Variants in PPP3R1 observed in about 807,000 individuals in gnomAD.
PPP3R1 encodes calcineurin subunit B type 1.
Under a neutral mutation model 22.6 loss-of-function variants are expected in PPP3R1, and 5 were observed. The observed-to-expected ratio is 0.22, with a 90% confidence interval of 0.12 to 0.46. The LOEUF (loss-of-function observed/expected upper bound fraction) is 0.46, where lower values mean the gene tolerates loss of function less well. PPP3R1 is among the 20% of genes least tolerant of loss of function. The pLI, the probability that PPP3R1 is intolerant of heterozygous loss-of-function variation, is 0.99. For synonymous variants in PPP3R1, 56 were observed against 65.2 expected (o/e 0.86, Z 0.68); for missense variants, 61 against 203.2 (o/e 0.30, Z 4.25).
chr2:68,236,889 A>G (rs932402411), intron 1 of PPP3R1, among the ~76,000 whole-genome samples: 7 of 152,158 alleles, frequency 4.6e-5, no homozygotes, highest in Admixed American at 3.9e-4. Flanking sequence ...TTTGCTCCCT[A>G]ATAAGTACTT....
rs1364816101 is a variant in PPP3R1, at chr2:68,251,986, C to G, written c.3+139G>C. ...CCCTCTCCGGCTCGCCCGCAACCGC[C>G]GCGGGACCCGCCGGGCCCGGGTCTC... On this transcript the variant is annotated intron_variant, in intron 1 of 5. Transcript: ENST00000234310. The G allele has an allele frequency of 8.2e-5, 74 of 907,062 alleles. No homozygotes were observed. In the Middle Eastern group the frequency reaches 1.6e-3, roughly 20 times the overall value. 56.2% of individuals were successfully genotyped at this position (907,062 alleles called of 1,614,324 possible). A position where few individuals can be genotyped will look rare whatever the true frequency, so the allele number is the denominator to read the frequency against.
chr2:68,221,743 G>A (rs1669691938), intron 1 of PPP3R1, among the ~76,000 whole-genome samples: 1 of 151,392 alleles, frequency 6.6e-6, no homozygotes, highest in South Asian at 2.1e-4. Flanking sequence ...ATAATCAGAG[G>A]GGAAAAAAGA....
At chr2:68,232,253 G>T (rs1669929783) in intron 1 of PPP3R1, among the ~76,000 whole-genome samples, 1 of 69,562 alleles carries the variant, frequency 1.4e-5, no homozygotes, top group East Asian at 4.1e-4. Context: ...GTGTGTGTGT[G>T]TGTGTGTGTG....
In PPP3R1 at chr2:68,252,489, G is replaced by A; in HGVS notation, c.-362C>T. Reference sequence around the variant, plus strand: ...CTCGCGCTCGCGCCGGAGCCGTGACGGACTCACTGCAGCGGCTCGCGCTGA... The same window carrying A: ...CTCGCGCTCGCGCCGGAGCCGTGACAGACTCACTGCAGCGGCTCGCGCTGA... On this transcript the variant is annotated 5_prime_UTR_variant, in exon 1 of 6. Coordinates refer to ENST00000234310, the MANE Select transcript of PPP3R1 (RefSeq NM_000945.4). The A allele has an allele frequency of 4.1e-6, 4 of 986,932 alleles. No homozygotes were observed. Among genetic ancestry groups the A allele is most frequent in the Non-Finnish European group, 3.6e-6 (3 of 831,664 alleles). 61.1% of individuals were successfully genotyped at this position (986,932 alleles called of 1,614,324 possible).
At position 68,241,348 on chromosome 2, in the gene PPP3R1, A is replaced by G. The variant is rs546052867; in HGVS notation, c.3+10777T>C. On this transcript the variant is annotated intron_variant, in intron 1 of 5. Coordinates refer to ENST00000234310, the MANE Select transcript of PPP3R1 (RefSeq NM_000945.4). ...TTCCCCAAGTATTTTCAATCCATGG[A>G]CCCAGAACTCATGGGCATGGAAGGC... 2.6e-5 allele frequency among the ~76,000 whole-genome samples: 4 copies of G among 152,202 alleles called. No homozygotes were observed. In the East Asian group the frequency reaches 7.7e-4, roughly 29 times the overall value.
intron 2 of PPP3R1, among the ~76,000 whole-genome samples, chr2:68,208,306 A>G (rs1466072320): frequency 2.0e-5 from 3 of 152,234 alleles, no homozygotes; most frequent in Admixed American, 1.3e-4. Flanking sequence ...CAACTCCAGA[A>G]GCCCACTATA....
chr2:68,217,205 T>A, intron 1 of PPP3R1, 74 bp from the exon 2 acceptor site: 1 of 1,087,602 alleles, frequency 9.2e-7, no homozygotes, highest in Non-Finnish European at 1.3e-6. Flanking sequence ...CTAAATATTT[T>A]AAGTCAAAAA....
At chr2:68,217,230 G>A in intron 1 of PPP3R1, 99 bp from the exon 2 acceptor site, 1 of 761,230 alleles carries the variant, frequency 1.3e-6, no homozygotes, top group Non-Finnish European at 2.2e-6. Context: ...AGGGAAATAA[G>A]CCATAAACTA....
At chr2:68,238,481 G>T (rs1218141143) in intron 1 of PPP3R1, among the ~76,000 whole-genome samples, 2 of 152,134 alleles carry the variant, frequency 1.3e-5, no homozygotes, top group African/African-American at 4.8e-5. Flanking sequence ...GAAAGCAGCA[G>T]TTTGAACCAG....
chr2:68,199,729 C>T (rs1674933669), intron 2 of PPP3R1, among the ~76,000 whole-genome samples: 1 of 152,120 alleles, frequency 6.6e-6, no homozygotes, highest in Non-Finnish European at 1.5e-5. Flanking sequence ...TCTCTTTTGT[C>T]AAAATAGTAA....
At chr2:68,223,818 A>C (rs1669732264) in intron 1 of PPP3R1, among the ~76,000 whole-genome samples, 2 of 152,190 alleles carry the variant, frequency 1.3e-5, no homozygotes, top group Middle Eastern at 6.8e-3. Flanking sequence ...AAAAAAAAAA[A>C]AAACAAAAGG....
chr2:68,205,236 T>A (rs1270856136), intron 2 of PPP3R1, among the ~76,000 whole-genome samples: 1 of 141,126 alleles, frequency 7.1e-6, no homozygotes, highest in African/African-American at 2.6e-5. Flanking sequence ...AAGTAATCAG[T>A]ATTATCTTTT....
At chr2:68,252,051 G>A in intron 1 of PPP3R1, 74 bp downstream of exon 1, 1 of 1,325,140 alleles carries the variant, frequency 7.5e-7, no homozygotes, top group Non-Finnish European at 9.9e-7. Flanking sequence ...GGGGCGTCGG[G>A]GCTCGCCCCC....
chr2:68,217,696 C>A (rs994831067), intron 1 of PPP3R1, among the ~76,000 whole-genome samples: 1 of 152,036 alleles, frequency 6.6e-6, no homozygotes, highest in African/African-American at 2.4e-5. Flanking sequence ...ACTTGAAAAC[C>A]ATTTCAAATT....
At chr2:68,223,524 A>T (rs1461462736) in intron 1 of PPP3R1, among the ~76,000 whole-genome samples, 1 of 152,220 alleles carries the variant, frequency 6.6e-6, no homozygotes, top group Non-Finnish European at 1.5e-5. Flanking sequence ...TTATTCCAGC[A>T]ATGGAAGGTT....
At chr2:68,235,823 A>C (rs1353957984) in intron 1 of PPP3R1, among the ~76,000 whole-genome samples, 1 of 152,176 alleles carries the variant, frequency 6.6e-6, no homozygotes, top group Non-Finnish European at 1.5e-5. Flanking sequence ...GCAAGGTTTG[A>C]GGGTTCCAGT....
intron 2 of PPP3R1, among the ~76,000 whole-genome samples, chr2:68,202,019 G>T (rs1243669190): frequency 1.3e-5 from 2 of 152,126 alleles, no homozygotes; most frequent in African/African-American, 4.8e-5. Context: ...TTTCAAGAAA[G>T]AGAAATTTCT....
intron 1 of PPP3R1, among the ~76,000 whole-genome samples, chr2:68,248,439 A>G (rs544683649): frequency 6.6e-6 from 1 of 152,356 alleles, no homozygotes; most frequent in Admixed American, 6.5e-5. Flanking sequence ...AGTTAGTGCT[A>G]GGTACATTAA....
At chr2:68,224,881 G>A (rs1669754357) in intron 1 of PPP3R1, among the ~76,000 whole-genome samples, 1 of 152,028 alleles carries the variant, frequency 6.6e-6, no homozygotes, top group Non-Finnish European at 1.5e-5. Flanking sequence ...ATGAAGACTT[G>A]AATAGATATT....
Sources: gnomAD v4.1 joint callset for allele counts (sites outside exome capture counted in the v4.1 genomes callset) on GRCh38, gnomAD v4.1.1 for gene constraint, MANE v1.5 for transcripts, NCBI Gene and HGNC (gene_info 2026-07-23, HGNC 2026-07-21) for gene names.